Variants in BMPR1B observed in about 807,000 individuals in gnomAD.
BMPR1B encodes the protein bone morphogenetic protein receptor type 1B.
A neutral mutation model predicts 59.1 loss-of-function variants in BMPR1B; 12 were observed. The observed-to-expected ratio is 0.20, with a 90% CI of 0.13 to 0.33. The LOEUF is 0.33. BMPR1B is among the 10% of genes least tolerant of loss of function. The pLI is 1.00. For missense variants in BMPR1B, 550 were observed against 610.9 expected, an observed-to-expected ratio of 0.90 and a Z score of 1.05; for synonymous variants, 237 against 207.3, an observed-to-expected ratio of 1.14 and a Z score of -1.23.
At chr4:94,978,732 A>G (rs543560810) in intron 2 of BMPR1B, among the ~76,000 whole-genome samples, 12 of 152,308 alleles carry the variant, frequency 7.9e-5, no homozygotes, top group Middle Eastern at 3.4e-3. Flanking sequence ...GAAGAAGAAC[A>G]TTTCGAATGG....
intron 1 of BMPR1B, among the ~76,000 whole-genome samples, chr4:94,873,804 C>T (rs1726603367): frequency 6.6e-6 from 1 of 152,158 alleles, no homozygotes; most frequent in Non-Finnish European, 1.5e-5. Flanking sequence ...AATTTACTAT[C>T]TTAACCATTT....
At chr4:95,110,894 G>T (rs931046566) in intron 4 of BMPR1B, among the ~76,000 whole-genome samples, 1 of 151,974 alleles carries the variant, frequency 6.6e-6, no homozygotes, top group African/African-American at 2.4e-5. Context: ...CTAAAAAGCT[G>T]CACCCTTTAA....
At chr4:95,075,248 G>T (rs1180273257) in intron 3 of BMPR1B, among the ~76,000 whole-genome samples, 1 of 152,092 alleles carries the variant, frequency 6.6e-6, no homozygotes, top group African/African-American at 2.4e-5. Context: ...TCTTCTCAGA[G>T]TCTGTATAAA....
chr4:95,105,884 C>T lies in BMPR1B; in HGVS notation c.143+1317C>T, dbSNP rs184463882. Among the ~76,000 whole-genome samples the T allele has an allele frequency of 2.8e-4, 42 of 152,080 alleles. No homozygotes were observed. The East Asian group carries it at 6.8e-3, about 24-fold the overall frequency. On this transcript the variant is annotated intron_variant, in intron 4 of 12. Coordinates refer to ENST00000515059, the MANE Select transcript of BMPR1B (RefSeq NM_001203.3). The stretch of plus-strand genomic sequence containing the variant: ...AGAAAGCAAAATTAGCAGGAGCAAA[C>T]AAAGTAGCGTGGGGTATTTTACTAT...
At chr4:95,139,381 C>T (rs1298032962) in intron 10 of BMPR1B, among the ~76,000 whole-genome samples, 1 of 152,208 alleles carries the variant, frequency 6.6e-6, no homozygotes, top group African/African-American at 2.4e-5. Flanking sequence ...CTGGAGGAGG[C>T]AGTCTGTCCG....
chr4:95,135,559 C>T, intron 10 of BMPR1B, among the ~76,000 whole-genome samples: 1 of 152,098 alleles, frequency 6.6e-6, no homozygotes, highest in African/African-American at 2.4e-5. Flanking sequence ...TTGTAGTTCT[C>T]CTTGAAGAGG....
intron 6 of BMPR1B, among the ~76,000 whole-genome samples, chr4:95,122,693 A>C (rs1336110978): frequency 6.6e-6 from 1 of 152,080 alleles, no homozygotes; most frequent in African/African-American, 2.4e-5. Context: ...TGGTTAGTTG[A>C]TCCTTTTCAG....
At chr4:95,120,687 C>G (rs575404947) in intron 6 of BMPR1B, among the ~76,000 whole-genome samples, 1 of 134,234 alleles carries the variant, frequency 7.4e-6, no homozygotes, top group African/African-American at 2.8e-5. Context: ...TCTTTTCTTT[C>G]TTTCTTTCTC....
At chr4:94,769,325 T>A (rs771029157) in intron 1 of BMPR1B, among the ~76,000 whole-genome samples, 1 of 152,184 alleles carries the variant, frequency 6.6e-6, no homozygotes, top group South Asian at 2.1e-4. Context: ...AAATTCACAG[T>A]TGAGGCCGGG....
chr4:95,154,863 T>C lies in BMPR1B; in HGVS notation c.*190T>C. 5 of 736,818 alleles carry C rather than the reference T, an allele frequency of 6.8e-6. No homozygotes were observed. In the South Asian group the frequency reaches 8.9e-5, roughly 13 times the overall value. The allele number at this position is 736,818 out of a possible 1,614,324, so 45.6% of individuals were successfully genotyped here. ...CAGAGAAGCTCCCAGAAGGAGAGAT[T>C]GATCCATGTCTGTTTGTAGGACGGA... is the stretch of plus-strand genomic sequence containing the variant. On this transcript the variant is annotated 3_prime_UTR_variant, in exon 13 of 13. Coordinates refer to ENST00000515059, the MANE Select transcript of BMPR1B (RefSeq NM_001203.3).
At chr4:95,094,505 G>A (rs750075501) in intron 3 of BMPR1B, among the ~76,000 whole-genome samples, 6 of 151,952 alleles carry the variant, frequency 3.9e-5, no homozygotes, top group Non-Finnish European at 8.8e-5. Flanking sequence ...CTGAATAATA[G>A]TAAGAGTCAG....
At chr4:94,954,176 G>A (rs953131693) in intron 2 of BMPR1B, among the ~76,000 whole-genome samples, 3 of 152,084 alleles carry the variant, frequency 2.0e-5, no homozygotes, top group Admixed American at 6.5e-5. Context: ...GATGAAGTGC[G>A]TGTTTTCATC....
intron 1 of BMPR1B, among the ~76,000 whole-genome samples, chr4:94,802,569 G>C (rs1009661865): frequency 2.0e-5 from 3 of 152,152 alleles, no homozygotes; most frequent in Non-Finnish European, 4.4e-5. Flanking sequence ...ATTGCATGGA[G>C]GACATAAGCA....
intron 3 of BMPR1B, among the ~76,000 whole-genome samples, chr4:95,049,743 G>A (rs768730026): frequency 4.0e-5 from 6 of 151,378 alleles, no homozygotes; most frequent in South Asian, 2.1e-4. Flanking sequence ...CTGTTCCATC[G>A]TCTGCTTGGA....
chr4:94,944,842 A>G lies in BMPR1B; in HGVS notation c.-112-51198A>G, dbSNP rs147554696. Among the ~76,000 whole-genome samples the G allele has an allele frequency of 7.9e-3, 1,211 of 152,328 alleles. 15 individuals are homozygous for G. Among genetic ancestry groups the G allele is most frequent in the African/African-American group, 0.027 (1,143 of 41,570 alleles). ...TGGAGAGATTGAATGGCCTGACTGT[A>G]TGGGACACATAATAGATTCCAGCTT... On this transcript the variant is annotated intron_variant, in intron 2 of 12. Transcript: ENST00000515059.
intron 1 of BMPR1B, among the ~76,000 whole-genome samples, chr4:94,797,818 C>T (rs1172011876): frequency 2.0e-5 from 3 of 152,162 alleles, no homozygotes; most frequent in Non-Finnish European, 2.9e-5. Flanking sequence ...ATTTGGGAAA[C>T]ACTCTCATGG....
intron 1 of BMPR1B, among the ~76,000 whole-genome samples, chr4:94,873,723 A>T (rs1214111071): frequency 1.3e-5 from 2 of 152,034 alleles, no homozygotes; most frequent in African/African-American, 4.8e-5. Context: ...ATGAATTCTT[A>T]CTTCTATCTT....
chr4:94,937,727 C>CACAG (rs1560556679), intron 2 of BMPR1B, among the ~76,000 whole-genome samples: 1 of 141,710 alleles, frequency 7.1e-6, no homozygotes, highest in African/African-American at 3.0e-5. Context: ...CAGACACACA[C>CACAG]ACACACACAC....
At chr4:94,832,417 A>T (rs767138759) in intron 1 of BMPR1B, among the ~76,000 whole-genome samples, 2 of 152,180 alleles carry the variant, frequency 1.3e-5, no homozygotes, top group Non-Finnish European at 1.5e-5. Flanking sequence ...CCAGTGGTTA[A>T]TAGAGGAAAG....
Sources: gnomAD v4.1 joint callset for allele counts (sites outside exome capture counted in the v4.1 genomes callset) on GRCh38, gnomAD v4.1.1 for gene constraint, MANE v1.5 for transcripts, NCBI Gene and HGNC (gene_info 2026-07-23, HGNC 2026-07-21) for gene names.